Variants in RYK observed in about 807,000 individuals in gnomAD.
RYK encodes the protein receptor like tyrosine kinase, also known as inactive tyrosine-protein kinase RYK.
RYK carries 21 observed loss-of-function variants against 70.2 expected under a neutral mutation model. The observed-to-expected ratio is 0.30, with a 90% CI of 0.21 to 0.43. The LOEUF is 0.43. RYK is among the 20% of genes least tolerant of loss of function. RYK has a pLI of 1.00. For missense variants in RYK, 604 were observed against 753.3 expected, an observed-to-expected ratio of 0.80 and a Z score of 2.32; for synonymous variants, 267 against 278.0, an observed-to-expected ratio of 0.96 and a Z score of 0.39.
Position 134,234,767 on chromosome 3 carries a change from A to G in RYK, c.233-12228T>C, listed in dbSNP as rs148290661. 2.9e-3 allele frequency among the ~76,000 whole-genome samples: 445 copies of G among 152,276 alleles called. 1 individual carries two copies. Among genetic ancestry groups the G allele is most frequent in the African/African-American group, 0.01 (416 of 41,562 alleles). ...TTAATAGGGGATAGAGAACTGTTTTATACTGAGAAGAGCTATGCTTCAGGA... is the reference window on the plus strand; with the variant it reads ...TTAATAGGGGATAGAGAACTGTTTTGTACTGAGAAGAGCTATGCTTCAGGA... On this transcript the variant is annotated intron_variant, in intron 1 of 14. Transcript: ENST00000623711.
chr3:134,203,988 A>C (rs1268961573), intron 5 of RYK, among the ~76,000 whole-genome samples: 2 of 152,178 alleles, frequency 1.3e-5, no homozygotes, highest in East Asian at 1.9e-4. Flanking sequence ...TATATTCTTC[A>C]TATTTCTTCA....
intron 2 of RYK, among the ~76,000 whole-genome samples, chr3:134,220,989 T>C (rs1255810886): frequency 1.3e-5 from 2 of 152,068 alleles, no homozygotes; most frequent in Admixed American, 6.6e-5. Context: ...CAATCTCATA[T>C]TATAAAACCA....
intron 1 of RYK, among the ~76,000 whole-genome samples, chr3:134,233,067 T>C (rs2015102963): frequency 1.3e-5 from 2 of 152,210 alleles, no homozygotes; most frequent in East Asian, 1.9e-4. Flanking sequence ...GGCAACCACA[T>C]TGGCTAAGAA....
intron 1 of RYK, among the ~76,000 whole-genome samples, chr3:134,225,148 G>A (rs2014868050): frequency 6.6e-6 from 1 of 152,188 alleles, no homozygotes; most frequent in African/African-American, 2.4e-5. Flanking sequence ...CTGCTGGCAG[G>A]AGTGTTAGCA....
intron 2 of RYK, 111 bp downstream of exon 2, chr3:134,222,307 A>C (rs1259478042): frequency 9.2e-7 from 1 of 1,083,812 alleles, no homozygotes; most frequent in South Asian, 1.4e-5. Flanking sequence ...CTATTATATC[A>C]CATCACCAGC....
chr3:134,193,947 T>C (rs2013730427), intron 7 of RYK, among the ~76,000 whole-genome samples: 2 of 152,198 alleles, frequency 1.3e-5, no homozygotes, highest in Admixed American at 6.5e-5. Flanking sequence ...ATCATATCCT[T>C]GGGTACGAAA....
At chr3:134,169,218 G>C (rs770165886) in intron 13 of RYK, among the ~76,000 whole-genome samples, 7 of 152,048 alleles carry the variant, frequency 4.6e-5, no homozygotes, top group African/African-American at 9.7e-5. Flanking sequence ...TAAACACAAT[G>C]TAATACTATA....
In RYK at chr3:134,160,480, C is replaced by G. The variant is rs565774491; in HGVS notation, c.1576-1107G>C. Among the ~76,000 whole-genome samples the G allele has an allele frequency of 2.0e-5, 3 of 151,950 alleles. No homozygotes were observed. The South Asian group carries it at 6.2e-4, about 31-fold the overall frequency. On this transcript the variant is annotated intron_variant, in intron 13 of 14. Transcript: ENST00000623711. The stretch of plus-strand genomic sequence containing the variant: ...AAATCCCAAAATACTTTGTAAAATA[C>G]ACAGATTTTTTTAAAAGCCTTATAA...
intron 13 of RYK, among the ~76,000 whole-genome samples, chr3:134,166,999 T>A (rs1311826903): frequency 6.6e-6 from 1 of 152,216 alleles, no homozygotes; most frequent in Non-Finnish European, 1.5e-5. Context: ...ATTTTTCCTG[T>A]CTTTAATATT....
chr3:134,196,990 T>C (rs1461027770), intron 6 of RYK, among the ~76,000 whole-genome samples: 5 of 152,232 alleles, frequency 3.3e-5, no homozygotes, highest in African/African-American at 4.8e-5. Context: ...ATCTATTAGA[T>C]TGGTGCAAAA....
chr3:134,212,158 A>G (rs2014419666), intron 2 of RYK, among the ~76,000 whole-genome samples: 1 of 149,350 alleles, frequency 6.7e-6, no homozygotes, highest in Non-Finnish European at 1.5e-5. Flanking sequence ...TTAGATCCCC[A>G]TTTGACCTCT....
chr3:134,166,905 C>A (rs1445507510), intron 13 of RYK, among the ~76,000 whole-genome samples: 2 of 152,064 alleles, frequency 1.3e-5, no homozygotes, highest in East Asian at 3.8e-4. Context: ...TAAAACAATA[C>A]CATTAAATAA....
Position 134,206,055 on chromosome 3 carries a change from AC to A in RYK, c.643+1416del, listed in dbSNP as rs577179445. ...TAGCATAAAAGAAATGGGCAAAGTC[AC>A]CAGAATTTTAAAAGTAAACTTTGGC... On this transcript the variant is annotated intron_variant, in intron 5 of 14. Transcript: ENST00000623711. Among the ~76,000 whole-genome samples, 122 of 152,332 alleles carry A rather than the reference AC, an allele frequency of 8.0e-4. No individual in the cohort carries two copies. The Middle Eastern group carries it at 0.014, about 17-fold the overall frequency.
intron 1 of RYK, among the ~76,000 whole-genome samples, chr3:134,247,266 A>G (rs2015490107): frequency 6.6e-6 from 1 of 152,238 alleles, no homozygotes; most frequent in South Asian, 2.1e-4. Context: ...AGAAAGTCAA[A>G]GACTTATTCT....
Position 134,250,471 on chromosome 3 carries a change from G to A in RYK, c.184C>T (p.Pro62Ser). ...TCGCTCAGGTAGAGACTCACGCTGG[G>A]CCCCGCGGAAGCCGACTGCAGCTCC... The part of the protein sequence containing the change: ...PPELQSASAG[P>S]SVSLYLSEDE... Residue 62 changes from proline (P) to serine (S), a missense_variant, in exon 1 of 15, where the codon CCC (proline) becomes TCC (serine). Physicochemically the swap from Pro to Ser is moderately conservative, Grantham distance 74. Around this residue, in one of 2 missense-constraint regions of RYK, gnomAD observed 466 missense variants for 535.9 expected, o/e 0.87. Coordinates refer to ENST00000623711, the MANE Select transcript of RYK (RefSeq NM_002958.4). 2 of 1,368,324 alleles carry A rather than the reference G, an allele frequency of 1.5e-6. No homozygotes were observed. Among genetic ancestry groups the A allele is most frequent in the South Asian group, 1.7e-5 (1 of 58,948 alleles). The allele number at this position is 1,368,324 out of a possible 1,614,324, so 84.8% of individuals were successfully genotyped here.
intron 11 of RYK, 35 bp downstream of exon 11, chr3:134,177,906 G>A (rs753781134): frequency 1.3e-6 from 2 of 1,570,502 alleles, no homozygotes; most frequent in Middle Eastern, 1.8e-4. Flanking sequence ...AGAAACTACT[G>A]GTAAATAATT....
At chr3:134,232,374 T>C (rs2015079172) in intron 1 of RYK, among the ~76,000 whole-genome samples, 2 of 152,184 alleles carry the variant, frequency 1.3e-5, no homozygotes, top group African/African-American at 2.4e-5. Context: ...GTGCTATAAT[T>C]GAATGCTGCA....
intron 13 of RYK, among the ~76,000 whole-genome samples, chr3:134,161,638 T>G (rs991081707): frequency 6.6e-6 from 1 of 152,238 alleles, no homozygotes; most frequent in Non-Finnish European, 1.5e-5. Context: ...TCCAATTTTA[T>G]GCCAATAAAT....
At chr3:134,230,439 A>C (rs2107690037) in intron 1 of RYK, among the ~76,000 whole-genome samples, 1 of 152,304 alleles carries the variant, frequency 6.6e-6, no homozygotes, top group Admixed American at 6.5e-5. Context: ...AATGTCCATC[A>C]ACAGATGAAC....
Sources: allele counts gnomAD v4.1 joint callset (sites outside exome capture counted in the v4.1 genomes callset), GRCh38; gene constraint gnomAD v4.1.1; regional missense constraint gnomAD v4.1.1; transcripts MANE v1.5; gene names NCBI Gene and HGNC (gene_info 2026-07-23, HGNC 2026-07-21).